AGBL4: variants seen among roughly 807,000 people sequenced by gnomAD.
The protein encoded by AGBL4 is cytosolic carboxypeptidase 6.
A neutral mutation model predicts 66.4 loss-of-function variants in AGBL4; 58 were observed. The ratio of observed to expected loss-of-function variants is 0.87; its 90% CI spans 0.71 to 1.09. AGBL4 has a LOEUF of 1.09. Among genes scored for constraint, AGBL4 ranks in the 50% least tolerant of loss-of-function variants. The pLI, the probability that AGBL4 is intolerant of heterozygous loss-of-function variation, is 0.00. For missense variants in AGBL4, 579 were observed against 631.0 expected (o/e 0.92, Z 0.88); for synonymous variants, 234 against 222.9 (o/e 1.05, Z -0.44).
chr1:49,329,936 A>G (rs1193394783), intron 3 of AGBL4, among the ~76,000 whole-genome samples: 7 of 152,222 alleles, frequency 4.6e-5, no homozygotes, highest in Non-Finnish European at 7.3e-5. Context: ...TCAGTCAGAG[A>G]CTATGACTGC....
chr1:49,172,384 T>C (rs1047684642), intron 4 of AGBL4, among the ~76,000 whole-genome samples: 1 of 151,964 alleles, frequency 6.6e-6, no homozygotes, highest in Admixed American at 6.6e-5. Context: ...TCCAAAAAAA[T>C]TGGAAGTGGG....
At chr1:49,646,906 T>C (rs1030916749) in intron 3 of AGBL4, among the ~76,000 whole-genome samples, 2 of 151,718 alleles carry the variant, frequency 1.3e-5, no homozygotes, top group Non-Finnish European at 1.5e-5. Context: ...GCAAAGTCAA[T>C]TCAATGAAAA....
At chr1:49,936,741 T>C (rs1256071560) in intron 1 of AGBL4, among the ~76,000 whole-genome samples, 1 of 148,578 alleles carries the variant, frequency 6.7e-6, no homozygotes, top group African/African-American at 2.4e-5. Context: ...CAAACTAAGC[T>C]TCATAAAAGT....
At chr1:49,266,360 C>G (rs1003770031) in intron 3 of AGBL4, 1 of 151,868 alleles carries the variant, frequency 6.6e-6, no homozygotes, top group Non-Finnish European at 1.5e-5. Context: ...ACTCTTTCTT[C>G]TCCCTTCTCA....
At chr1:49,182,420 A>G (rs1646945266) in intron 4 of AGBL4, among the ~76,000 whole-genome samples, 1 of 152,218 alleles carries the variant, frequency 6.6e-6, no homozygotes, top group South Asian at 2.1e-4. Flanking sequence ...GGAAATATCC[A>G]TAATCTGGAG....
chr1:49,810,692 T>C (rs1288286732), intron 2 of AGBL4, among the ~76,000 whole-genome samples: 3 of 152,088 alleles, frequency 2.0e-5, no homozygotes, highest in Non-Finnish European at 2.9e-5. Context: ...AAAGGAAGAA[T>C]AGAAAGATAG....
At chr1:49,283,551 T>G (rs1454240513) in intron 3 of AGBL4, among the ~76,000 whole-genome samples, 1 of 152,154 alleles carries the variant, frequency 6.6e-6, no homozygotes, top group African/African-American at 2.4e-5. Flanking sequence ...GAGGAAGGCT[T>G]CAGACGATCA....
At chr1:49,633,699 C>T (rs1247872795) in intron 3 of AGBL4, among the ~76,000 whole-genome samples, 2 of 151,332 alleles carry the variant, frequency 1.3e-5, no homozygotes, top group Non-Finnish European at 2.9e-5. Flanking sequence ...TAAAATGTTG[C>T]CTTTTAGAAA....
chr1:49,236,889 T>C (rs1650794186), intron 4 of AGBL4, among the ~76,000 whole-genome samples: 1 of 151,996 alleles, frequency 6.6e-6, no homozygotes, highest in African/African-American at 2.4e-5. Context: ...GGGAGAAACC[T>C]CGGTGGGGAG....
intron 1 of AGBL4, among the ~76,000 whole-genome samples, chr1:49,861,903 C>A (rs1251558689): frequency 6.6e-6 from 1 of 152,110 alleles, no homozygotes; most frequent in Non-Finnish European, 1.5e-5. Context: ...ATCTGAAAAG[C>A]CTTTACAAGA....
At chr1:48,583,407 T>C (rs1054547380) in intron 11 of AGBL4, among the ~76,000 whole-genome samples, 15 of 152,248 alleles carry the variant, frequency 9.9e-5, no homozygotes, top group African/African-American at 3.4e-4. Context: ...ATTAGGAAAC[T>C]AATCTGAGGC....
intron 1 of AGBL4, among the ~76,000 whole-genome samples, chr1:49,945,494 C>G (rs1352594231): frequency 6.6e-6 from 1 of 152,004 alleles, no homozygotes; most frequent in African/African-American, 2.4e-5. Flanking sequence ...AAACACATGT[C>G]TTTTTCAGAA....
chr1:49,022,016 T>C (rs1663288098), intron 5 of AGBL4, among the ~76,000 whole-genome samples: 1 of 152,172 alleles, frequency 6.6e-6, no homozygotes. Context: ...TGAGTAATAT[T>C]CTGCTGACCT....
In AGBL4 at chr1:48,612,286, G is replaced by A. The variant is rs572124680; in HGVS notation, c.952-21301C>T. On this transcript the variant is annotated intron_variant, in intron 9 of 13. Coordinates refer to ENST00000371839, the MANE Select transcript of AGBL4 (RefSeq NM_032785.4). The stretch of plus-strand genomic sequence containing the variant: ...TAAGCCCAATTCTTACGTCAGAGGA[G>A]TTTACACCCTTGGTGAGGATACAGG... Among the ~76,000 whole-genome samples, 87 of 152,370 alleles carry A rather than the reference G, an allele frequency of 5.7e-4. No individual in the cohort carries two copies. In the Middle Eastern group the frequency reaches 0.014, roughly 24 times the overall value.
In AGBL4 at chr1:49,172,296, C is replaced by G. The variant is rs201443882; in HGVS notation, c.377+73474G>C. Among the ~76,000 whole-genome samples the G allele has an allele frequency of 4.6e-5, 7 of 152,260 alleles. No individual in the cohort carries two copies. In the East Asian group the frequency reaches 1.4e-3, roughly 29 times the overall value. On this transcript the variant is annotated intron_variant, in intron 4 of 13. Transcript: ENST00000371839. ...AATCACAATTTTGCAGGAATACAGA[C>G]AGGCAGACATATAATTCTCCTTACA...
chr1:48,818,312 C>A, intron 6 of AGBL4: 1 of 714,964 alleles, frequency 1.4e-6, no homozygotes, highest in Non-Finnish European at 2.6e-6. Flanking sequence ...TATTTATGGC[C>A]ATATTTGAAA....
chr1:49,748,641 C>T (rs772821298), intron 2 of AGBL4, among the ~76,000 whole-genome samples: 1 of 152,180 alleles, frequency 6.6e-6, no homozygotes, highest in Non-Finnish European at 1.5e-5. Context: ...AAAAGCATTC[C>T]TACTTCTCCA....
chr1:49,749,862 G>A (rs748178286), intron 2 of AGBL4, among the ~76,000 whole-genome samples: 23 of 152,030 alleles, frequency 1.5e-4, no homozygotes, highest in African/African-American at 3.1e-4. Flanking sequence ...ATTCTACATC[G>A]TATATGAAAA....
intron 9 of AGBL4, among the ~76,000 whole-genome samples, chr1:48,627,364 TTTG>T (rs1645519736): frequency 6.6e-6 from 1 of 152,138 alleles, no homozygotes; most frequent in Non-Finnish European, 1.5e-5. Context: ...CTGTTTGATA[TTTG>T]TGAATGTATG....
Sources: gnomAD v4.1 joint callset for allele counts (sites outside exome capture counted in the v4.1 genomes callset) on GRCh38, gnomAD v4.1.1 for gene constraint, MANE v1.5 for transcripts, NCBI Gene and HGNC (gene_info 2026-07-23, HGNC 2026-07-21) for gene names.